Variants in DLG2 observed in about 807,000 individuals in gnomAD.
DLG2 encodes disks large homolog 2.
Under a neutral mutation model 132.5 loss-of-function variants are expected in DLG2, and 45 were observed. The ratio of observed to expected loss-of-function variants is 0.34; its 90% CI spans 0.27 to 0.44. The LOEUF (loss-of-function observed/expected upper bound fraction) is 0.44. DLG2 is among the 20% of genes least tolerant of loss of function. DLG2 has a pLI of 1.00. For missense variants in DLG2, 1,045 were observed against 1,196.9 expected (o/e 0.87, Z 1.87); for synonymous variants, 424 against 419.6 (o/e 1.01, Z -0.13).
Position 83,980,514 on chromosome 11 carries a change from G to C in DLG2, c.1048C>G (p.Leu350Val). The change falls in exon 12 of 28, where the codon CTA (leucine) becomes GTA (valine). Residue 350 changes from leucine (L) to valine (V), a missense_variant. Around this residue, in one of 4 missense-constraint regions of DLG2, gnomAD observed 261 missense variants for 256.1 expected, o/e 1.02. Coordinates refer to ENST00000376104, the MANE Select transcript of DLG2 (RefSeq NM_001142699.3). Reference sequence around the variant, plus strand: ...GCTGGAGTCACACTCACCATTAGTAGTCTATCTCCTACTTGCAACCTTCCA... The same window carrying C: ...GCTGGAGTCACACTCACCATTAGTACTCTATCTCCTACTTGCAACCTTCCA... ...KDGRLQVGDRLLMVNNYSLEE... is the reference protein window; with the variant it reads ...KDGRLQVGDRVLMVNNYSLEE... 1.2e-6 allele frequency: 2 copies of C among 1,613,102 alleles called. No homozygotes were observed. The highest frequency in any genetic ancestry group is 1.7e-6 in the Non-Finnish European group (2 of 1,179,494).
At chr11:85,120,861 T>C (rs2074224693) in intron 5 of DLG2, among the ~76,000 whole-genome samples, 1 of 152,012 alleles carries the variant, frequency 6.6e-6, no homozygotes, top group South Asian at 2.1e-4. Context: ...CTTGGTAAAG[T>C]GGTATAATAG....
At chr11:84,423,960 A>G (rs1344707332) in intron 7 of DLG2, among the ~76,000 whole-genome samples, 1 of 152,162 alleles carries the variant, frequency 6.6e-6, no homozygotes, top group African/African-American at 2.4e-5. Context: ...TATCTATATA[A>G]TTGAGCAACA....
intron 6 of DLG2, among the ~76,000 whole-genome samples, chr11:84,879,096 C>G (rs371668419): frequency 6.6e-6 from 1 of 152,056 alleles, no homozygotes; most frequent in East Asian, 1.9e-4. Context: ...CATTTGTGTT[C>G]CTTCAGGCTG....
At chr11:85,098,016 GTACTC>G (rs751253307) in intron 6 of DLG2, among the ~76,000 whole-genome samples, 2 of 152,174 alleles carry the variant, frequency 1.3e-5, no homozygotes, top group Non-Finnish European at 2.9e-5. Context: ...CTCAGAATAA[GTACTC>G]TAATCAATGG....
At position 83,877,048 on chromosome 11, in the gene DLG2, G is replaced by A. The variant is rs57698403; in HGVS notation, c.1497-2560C>T. On this transcript the variant is annotated intron_variant, in intron 15 of 27. Transcript: ENST00000376104. Reference sequence around the variant, plus strand: ...TTATTTTACAATTTTCTTCAGATGCGTTTCCCAAAATGGAAATGCTTATTA... The same window carrying A: ...TTATTTTACAATTTTCTTCAGATGCATTTCCCAAAATGGAAATGCTTATTA... Among the ~76,000 whole-genome samples the A allele has an allele frequency of 2.2e-3, 331 of 151,990 alleles. 3 individuals are homozygous for A. The highest frequency in any genetic ancestry group is 7.2e-3 in the African/African-American group (299 of 41,508).
At chr11:85,413,110 C>T (rs1000899190) in intron 3 of DLG2, among the ~76,000 whole-genome samples, 19 of 151,852 alleles carry the variant, frequency 1.3e-4, no homozygotes, top group African/African-American at 4.6e-4. Flanking sequence ...CATTCTTGCA[C>T]GAGTAAGGTG....
intron 6 of DLG2, among the ~76,000 whole-genome samples, chr11:84,665,369 G>A (rs2099698787): frequency 6.6e-6 from 1 of 152,140 alleles, no homozygotes; most frequent in Non-Finnish European, 1.5e-5. Context: ...ATAGTCAGCA[G>A]CCAAGCCAGA....
chr11:84,263,830 T>C (rs2097577432), intron 7 of DLG2, among the ~76,000 whole-genome samples: 1 of 152,176 alleles, frequency 6.6e-6, no homozygotes, highest in African/African-American at 2.4e-5. Context: ...AGATGAAGTA[T>C]GAGTTTTAGT....
intron 3 of DLG2, among the ~76,000 whole-genome samples, chr11:85,445,872 C>G (rs1357814163): frequency 6.6e-6 from 1 of 152,126 alleles, no homozygotes; most frequent in Non-Finnish European, 1.5e-5. Flanking sequence ...ATGGAGGAAA[C>G]CATGGAGGCT....
intron 6 of DLG2, among the ~76,000 whole-genome samples, chr11:84,744,274 T>A (rs932369771): frequency 2.0e-5 from 3 of 152,196 alleles, no homozygotes; most frequent in African/African-American, 7.2e-5. Context: ...AATACATAAT[T>A]TCTATACATA....
At chr11:84,115,751 C>T (rs753128558) in intron 9 of DLG2, among the ~76,000 whole-genome samples, 1 of 152,214 alleles carries the variant, frequency 6.6e-6, no homozygotes, top group Admixed American at 6.5e-5. Flanking sequence ...CTCATTACCA[C>T]CTTTGGTCAC....
rs1405826033 is a variant in DLG2, at chr11:84,667,501, T to TTTTG, written c.358-132771_358-132770insCAAA. Among the ~76,000 whole-genome samples, 28 of 116,200 alleles carry TTTTG rather than the reference T, an allele frequency of 2.4e-4. No homozygotes were observed. The South Asian group carries it at 4.6e-3, about 19-fold the overall frequency. The allele number at this position is 116,200 out of a possible 152,430, so 76.2% of individuals were successfully genotyped here. On this transcript the variant is annotated intron_variant, in intron 6 of 27. Transcript: ENST00000376104. ...TTGTTTTTGTTTTTTGTTTTTTGTT[T>TTTTG]TTTTTTTTTTTTTGAGTCATAGTCC...
At chr11:84,755,304 G>C (rs1356948245) in intron 6 of DLG2, among the ~76,000 whole-genome samples, 5 of 152,204 alleles carry the variant, frequency 3.3e-5, no homozygotes, top group Non-Finnish European at 5.9e-5. Context: ...AATTTTTGTA[G>C]AATGTTACAT....
chr11:85,195,904 A>T (rs1337590373), intron 4 of DLG2, among the ~76,000 whole-genome samples: 1 of 152,230 alleles, frequency 6.6e-6, no homozygotes, highest in Non-Finnish European at 1.5e-5. Context: ...AATTTTGAAA[A>T]GTAAAATTTC....
intron 10 of DLG2, among the ~76,000 whole-genome samples, chr11:84,079,225 A>C (rs536508473): frequency 6.6e-6 from 1 of 151,744 alleles, no homozygotes; most frequent in Non-Finnish European, 1.5e-5. Context: ...ACCTTAGTTC[A>C]AGTTACAATC....
chr11:84,476,357 T>A (rs974632911), intron 7 of DLG2, among the ~76,000 whole-genome samples: 2 of 152,188 alleles, frequency 1.3e-5, no homozygotes, highest in African/African-American at 4.8e-5. Context: ...TAGACTGCAT[T>A]TTTTCAAAAC....
At chr11:84,952,896 C>T (rs2051149389) in intron 6 of DLG2, among the ~76,000 whole-genome samples, 1 of 152,146 alleles carries the variant, frequency 6.6e-6, no homozygotes, top group Admixed American at 6.5e-5. Flanking sequence ...CACTAGTCTC[C>T]AAGGTTTTCC....
At chr11:85,277,652 T>C (rs2077974685) in intron 4 of DLG2, among the ~76,000 whole-genome samples, 1 of 152,156 alleles carries the variant, frequency 6.6e-6, no homozygotes, top group Non-Finnish European at 1.5e-5. Flanking sequence ...CCTAGGTGAT[T>C]AATTTTGCAA....
At chr11:84,957,306 T>G (rs2051833971) in intron 6 of DLG2, among the ~76,000 whole-genome samples, 1 of 152,230 alleles carries the variant, frequency 6.6e-6, no homozygotes, top group Non-Finnish European at 1.5e-5. Context: ...TGATTGTTAT[T>G]TATCACTTCA....
Sources: allele counts gnomAD v4.1 joint callset (sites outside exome capture counted in the v4.1 genomes callset), GRCh38; gene constraint gnomAD v4.1.1; regional missense constraint gnomAD v4.1.1; transcripts MANE v1.5; gene names NCBI Gene and HGNC (gene_info 2026-07-23, HGNC 2026-07-21).